Variants in CFAP299 observed in about 807,000 individuals in gnomAD.
CFAP299 encodes the protein cilia and flagella associated protein 299, also known as cilia- and flagella-associated protein 299.
CFAP299 carries 21 observed loss-of-function variants against 27.0 expected under a neutral mutation model. The ratio of observed to expected loss-of-function variants is 0.78; its 90% CI spans 0.55 to 1.12. The LOEUF is 1.12. CFAP299 is among the 50% of genes most tolerant of loss of function. CFAP299 has a pLI of 0.00. For missense variants in CFAP299, 310 were observed against 276.6 expected, an observed-to-expected ratio of 1.12 and a Z score of -0.86; for synonymous variants, 104 against 98.1, an observed-to-expected ratio of 1.06 and a Z score of -0.36.
At chr4:80,955,053 C>A (rs1737999885) in intron 5 of CFAP299, among the ~76,000 whole-genome samples, 3 of 118,224 alleles carry the variant, frequency 2.5e-5, no homozygotes, top group African/African-American at 6.7e-5. Context: ...TGGCCATATA[C>A]AGAGTAGTAT....
At chr4:80,909,869 A>G (rs1485534293) in intron 4 of CFAP299, among the ~76,000 whole-genome samples, 2 of 152,142 alleles carry the variant, frequency 1.3e-5, no homozygotes, top group African/African-American at 2.4e-5. Context: ...AACATTTTTA[A>G]TGGTTAAATT....
chr4:80,536,346 C>T (rs1733738671), intron 2 of CFAP299, among the ~76,000 whole-genome samples: 1 of 152,124 alleles, frequency 6.6e-6, no homozygotes, highest in Non-Finnish European at 1.5e-5. Context: ...TGATTTGTCT[C>T]TACATCTGTG....
At chr4:80,879,735 CAT>C (rs1310891071) in intron 4 of CFAP299, among the ~76,000 whole-genome samples, 15 of 152,160 alleles carry the variant, frequency 9.9e-5, no homozygotes, top group Non-Finnish European at 1.3e-4. Flanking sequence ...AATCTGTTAA[CAT>C]GTGTATGCAC....
At chr4:80,347,866 C>T (rs757968550) in intron 1 of CFAP299, among the ~76,000 whole-genome samples, 1 of 152,158 alleles carries the variant, frequency 6.6e-6, no homozygotes. Flanking sequence ...CATTATGGTA[C>T]CTGACTTCAA....
intron 3 of CFAP299, among the ~76,000 whole-genome samples, chr4:80,803,272 A>G (rs1417641005): frequency 1.3e-5 from 2 of 152,134 alleles, no homozygotes; most frequent in East Asian, 3.8e-4. Context: ...ATACATACAG[A>G]TACAGAAACA....
intron 3 of CFAP299, among the ~76,000 whole-genome samples, chr4:80,704,871 T>G (rs1206491718): frequency 2.0e-5 from 3 of 151,858 alleles, no homozygotes; most frequent in African/African-American, 7.2e-5. Context: ...AATTGTCAAT[T>G]TAGAACTGGG....
At chr4:80,916,934 A>C (rs1020400766) in intron 4 of CFAP299, among the ~76,000 whole-genome samples, 8 of 152,178 alleles carry the variant, frequency 5.3e-5, no homozygotes, top group African/African-American at 1.9e-4. Flanking sequence ...AAGGTATTTG[A>C]TTAAGTAATC....
At chr4:80,830,517 T>C (rs974374327) in intron 3 of CFAP299, among the ~76,000 whole-genome samples, 2 of 152,036 alleles carry the variant, frequency 1.3e-5, no homozygotes, top group Admixed American at 1.3e-4. Flanking sequence ...GCTTAAAGTA[T>C]GCAACAGAAG....
chr4:80,392,271 G>A (rs373009250), intron 2 of CFAP299, among the ~76,000 whole-genome samples: 1 of 152,148 alleles, frequency 6.6e-6, no homozygotes, highest in Non-Finnish European at 1.5e-5. Flanking sequence ...GGACTTTTGG[G>A]TTAATACTAG....
intron 4 of CFAP299, among the ~76,000 whole-genome samples, chr4:80,884,492 T>A (rs893108890): frequency 2.0e-4 from 31 of 152,088 alleles, no homozygotes; most frequent in African/African-American, 5.8e-4. Context: ...ATACCCAAAT[T>A]TATGGGATGC....
At chr4:80,518,577 A>G (rs1732707517) in intron 2 of CFAP299, among the ~76,000 whole-genome samples, 1 of 152,108 alleles carries the variant, frequency 6.6e-6, no homozygotes, top group Admixed American at 6.6e-5. Flanking sequence ...TTTTTAGCAC[A>G]TCGTTTTAAG....
chr4:80,401,944 A>G (rs1223020982), intron 2 of CFAP299, among the ~76,000 whole-genome samples: 2 of 152,174 alleles, frequency 1.3e-5, no homozygotes, highest in Non-Finnish European at 2.9e-5. Context: ...AGTTGGAATC[A>G]AAGGAGATCA....
At chr4:80,933,010 T>A (rs1396945890) in intron 4 of CFAP299, among the ~76,000 whole-genome samples, 1 of 152,124 alleles carries the variant, frequency 6.6e-6, no homozygotes, top group Non-Finnish European at 1.5e-5. Flanking sequence ...TATTAAAAAA[T>A]TACATATATT....
chr4:80,486,160 G>T (rs1199727631), intron 2 of CFAP299, among the ~76,000 whole-genome samples: 1 of 152,044 alleles, frequency 6.6e-6, no homozygotes, highest in East Asian at 1.9e-4. Flanking sequence ...ATAATATTTG[G>T]TTACTTGGTG....
intron 3 of CFAP299, among the ~76,000 whole-genome samples, chr4:80,792,044 A>C (rs1044763737): frequency 6.6e-6 from 1 of 152,056 alleles, no homozygotes; most frequent in Non-Finnish European, 1.5e-5. Context: ...TTATCTGAAC[A>C]TTTATATAAT....
At chr4:80,375,047 C>T (rs1343753049) in intron 2 of CFAP299, among the ~76,000 whole-genome samples, 1 of 152,014 alleles carries the variant, frequency 6.6e-6, no homozygotes, top group Non-Finnish European at 1.5e-5. Flanking sequence ...TAGAGTGGCT[C>T]CAAGAAACCT....
intron 3 of CFAP299, among the ~76,000 whole-genome samples, chr4:80,716,847 G>T (rs1420813177): frequency 6.6e-6 from 1 of 152,038 alleles, no homozygotes. Flanking sequence ...ATCTCTGATG[G>T]TCTGTGGTGA....
intron 3 of CFAP299, among the ~76,000 whole-genome samples, chr4:80,783,229 G>A (rs148085090): frequency 2.6e-5 from 4 of 152,212 alleles, no homozygotes; most frequent in Admixed American, 1.3e-4. Context: ...TAAGACAGAA[G>A]CTTCAATCTC....
intron 2 of CFAP299, among the ~76,000 whole-genome samples, chr4:80,522,167 CTTTA>C (rs1423510926): frequency 6.6e-6 from 1 of 151,494 alleles, no homozygotes; most frequent in South Asian, 2.1e-4. Context: ...ATTTATTTTT[CTTTA>C]TTTATTTTAA....
Sources: gnomAD v4.1 joint callset for allele counts (sites outside exome capture counted in the v4.1 genomes callset) on GRCh38, gnomAD v4.1.1 for gene constraint, MANE v1.5 for transcripts, NCBI Gene and HGNC (gene_info 2026-07-23, HGNC 2026-07-21) for gene names.